The following CERS5 variants were observed in gnomAD, a reference collection of about 807,000 sequenced individuals.
CERS5 encodes the protein ceramide synthase 5.
Under a neutral mutation model 58.9 loss-of-function variants are expected in CERS5, and 37 were observed. The ratio of observed to expected loss-of-function variants is 0.63; its 90% CI spans 0.48 to 0.83. CERS5 has a LOEUF of 0.83. Among genes scored for constraint, CERS5 ranks in the 40% least tolerant of loss-of-function variants. CERS5 has a pLI of 0.00. For synonymous variants in CERS5, 147 were observed against 177.8 expected (o/e 0.83, Z 1.38); for missense variants, 398 against 489.3 (o/e 0.81, Z 1.76).
intron 1 of CERS5, among the ~76,000 whole-genome samples, chr12:50,148,946 A>ATATATG (rs1420401358): frequency 2.8e-4 from 29 of 103,036 alleles, no homozygotes; most frequent in African/African-American, 7.7e-4. Flanking sequence ...ATATATATAT[A>ATATATG]TGTGTGTGTG....
chr12:50,147,519 G>A (rs1483201584), intron 1 of CERS5: 1 of 152,006 alleles, frequency 6.6e-6, no homozygotes. Flanking sequence ...GACCCCTGGG[G>A]GATCCAGAGA....
chr12:50,129,456 T>C lies in CERS5; in HGVS notation c.*1089A>G, dbSNP rs922296746. ...ATTCATTCATATTTCACAACAATAT[T>C]AGTCTATTCAATATAGCAAGTTGAG... On this transcript the variant is annotated 3_prime_UTR_variant, in exon 10 of 10. Transcript: ENST00000317551. 1 of 152,014 alleles carries C rather than the reference T, an allele frequency of 6.6e-6. No individual in the cohort carries two copies. Among genetic ancestry groups the C allele is most frequent in the Non-Finnish European group, 1.5e-5 (1 of 68,022 alleles). The allele number at this position is 152,014 out of a possible 1,614,324, so 9.4% of individuals were successfully genotyped here. A position where few individuals can be genotyped will look rare whatever the true frequency, so the allele number is the denominator to read the frequency against.
At chr12:50,137,488 A>G (rs1161182043) in intron 6 of CERS5, among the ~76,000 whole-genome samples, 1 of 152,204 alleles carries the variant, frequency 6.6e-6, no homozygotes, top group African/African-American at 2.4e-5. Context: ...GAATATGGAA[A>G]AAAGTATGCT....
intron 1 of CERS5, chr12:50,165,735 C>T (rs1939812949): frequency 4.3e-6 from 1 of 232,248 alleles, no homozygotes; most frequent in African/African-American, 2.3e-5. Context: ...AACATATTCC[C>T]ATCCTAGAAA....
chr12:50,162,552 GA>G (rs2138284251), intron 1 of CERS5, among the ~76,000 whole-genome samples: 1 of 151,524 alleles, frequency 6.6e-6, no homozygotes, highest in African/African-American at 2.4e-5. Context: ...GAAAAAAAGA[GA>G]AAATGTAGGA....
rs1393989260 is a variant in CERS5 at position 50,140,863 on chromosome 12, G to T, written c.492+1190C>A. ...GATTTTTTTTTTTTTTTTGCCTAGG[G>T]TTTAGGTCAATTACTGAGAGAAAAG... is the stretch of plus-strand genomic sequence containing the variant. On this transcript the variant is annotated intron_variant, in intron 4 of 9. Coordinates refer to ENST00000317551, the MANE Select transcript of CERS5 (RefSeq NM_147190.5). 6.1e-5 allele frequency among the ~76,000 whole-genome samples: 9 copies of T among 148,402 alleles called. No homozygotes were observed. In the South Asian group the frequency reaches 1.3e-3, roughly 21 times the overall value.
At chr12:50,157,419 G>A (rs761241490) in intron 1 of CERS5, among the ~76,000 whole-genome samples, 1 of 150,862 alleles carries the variant, frequency 6.6e-6, no homozygotes, top group African/African-American at 2.4e-5. Context: ...AACATCTCAA[G>A]CAGAAGTAGG....
chr12:50,157,226 C>T (rs1290256121), intron 1 of CERS5, among the ~76,000 whole-genome samples: 1 of 151,946 alleles, frequency 6.6e-6, no homozygotes, highest in Admixed American at 6.6e-5. Context: ...AGTGTGCAGA[C>T]GGCCTATTGT....
At chr12:50,149,138 G>A (rs1391213282) in intron 1 of CERS5, among the ~76,000 whole-genome samples, 1 of 151,834 alleles carries the variant, frequency 6.6e-6, no homozygotes, top group Non-Finnish European at 1.5e-5. Context: ...ATCATAGTTT[G>A]AAAACTGCTG....
chr12:50,132,896 G>C (rs773428323), intron 9 of CERS5: 7 of 1,280,832 alleles, frequency 5.5e-6, no homozygotes, highest in Non-Finnish European at 7.1e-6. Flanking sequence ...AAGGAGAGCA[G>C]GAGGAAAGAG....
intron 9 of CERS5, chr12:50,133,611 G>T: frequency 2.0e-6 from 2 of 985,146 alleles, no homozygotes; most frequent in Non-Finnish European, 2.4e-6. Context: ...AGGGCCCCAT[G>T]TCAAAAAGAA....
Position 50,134,686 on chromosome 12 carries a change from G to T in CERS5, c.889C>A (p.Leu297Ile), listed in dbSNP as rs949709567. The T allele has an allele frequency of 1.9e-6, 3 of 1,613,826 alleles. No homozygotes were observed. The highest frequency in any genetic ancestry group is 2.5e-6 in the Non-Finnish European group (3 of 1,179,908). ...IYPFWILNTT[L>I]FESWEIIGPY... is the part of the protein sequence containing the mutation. ...CCGATTATCTCCCAACTCTCAAAGA[G>T]GGTCGTGTTCAGAATCCTAGAAGAG... Residue 297 changes from leucine (L) to isoleucine (I), a missense_variant, in exon 9 of 10, where the codon CTC (leucine) becomes ATC (isoleucine). Physicochemically the swap from Leu to Ile is conservative, Grantham distance 5. This residue lies in a region of CERS5 where 328 missense variants were observed against 384.5 expected (regional missense o/e 0.85). Coordinates refer to ENST00000317551, the MANE Select transcript of CERS5 (RefSeq NM_147190.5).
chr12:50,146,390 G>A (rs1345443640), intron 1 of CERS5, among the ~76,000 whole-genome samples: 1 of 152,120 alleles, frequency 6.6e-6, no homozygotes, highest in East Asian at 1.9e-4. Flanking sequence ...GATATAACAG[G>A]TCTATATTCT....
intron 4 of CERS5, among the ~76,000 whole-genome samples, chr12:50,140,235 A>AT (rs1354224895): frequency 1.4e-5 from 2 of 140,914 alleles, no homozygotes; most frequent in East Asian, 2.2e-4. Flanking sequence ...TTCTCTTGTG[A>AT]TTTTTTATTT....
intron 1 of CERS5, among the ~76,000 whole-genome samples, chr12:50,164,165 G>C (rs966077511): frequency 6.6e-6 from 1 of 150,818 alleles, no homozygotes; most frequent in African/African-American, 2.4e-5. Flanking sequence ...TCACCATGTT[G>C]GCCAGGCTGG....
intron 1 of CERS5, among the ~76,000 whole-genome samples, chr12:50,156,096 T>G: frequency 1.5e-5 from 1 of 66,572 alleles, no homozygotes; most frequent in Non-Finnish European, 2.6e-5. Context: ...CGACATTCTG[T>G]CTCAAAAAAA....
intron 9 of CERS5, chr12:50,133,758 C>G (rs763878619): frequency 1.0e-6 from 1 of 985,484 alleles, no homozygotes; most frequent in Non-Finnish European, 1.2e-6. Flanking sequence ...TTTCCTCTTG[C>G]GTCTAAGTCA....
At chr12:50,150,465 T>C (rs185539926) in intron 1 of CERS5, among the ~76,000 whole-genome samples, 2 of 152,304 alleles carry the variant, frequency 1.3e-5, no homozygotes, top group East Asian at 3.9e-4. Flanking sequence ...AATGGAACTG[T>C]CTAGCATGCA....
chr12:50,150,302 AG>A (rs1162821201), intron 1 of CERS5, among the ~76,000 whole-genome samples: 1 of 152,150 alleles, frequency 6.6e-6, no homozygotes, highest in Non-Finnish European at 1.5e-5. Flanking sequence ...TGGAGGCTGC[AG>A]TGAGCCCTGA....
Sources: allele counts gnomAD v4.1 joint callset (sites outside exome capture counted in the v4.1 genomes callset), GRCh38; gene constraint gnomAD v4.1.1; regional missense constraint gnomAD v4.1.1; transcripts MANE v1.5; gene names NCBI Gene and HGNC (gene_info 2026-07-23, HGNC 2026-07-21).